PNMA6E: variants seen among roughly 807,000 people sequenced by gnomAD.
PNMA6E encodes paraneoplastic antigen Ma6E.
For synonymous variants in PNMA6E, 43 were observed against 17.1 expected, an observed-to-expected ratio of 2.52 and a Z score of -3.74; for missense variants, 78 against 50.8, an observed-to-expected ratio of 1.53 and a Z score of -1.63.
At chrX:153,406,468 A>T in the PNMA6E span, among the ~76,000 whole-genome samples, 1 of 112,798 alleles carries the variant, frequency 8.9e-6, no homozygotes, top group African/African-American at 3.2e-5. Context: ...GCTCCCCATC[A>T]GGTGAGAGAA....
Position 153,397,395 on chromosome X carries a change from G to A in PNMA6E, c.1455C>T (p.Leu485=). The A allele has an allele frequency of 1.0e-5, 3 of 298,268 alleles. No individual in the cohort carries two copies. Among genetic ancestry groups the A allele is most frequent in the Non-Finnish European group, 1.8e-5 (3 of 170,476 alleles). 24.6% of individuals were successfully genotyped at this position (298,268 alleles called of 1,213,427 possible). The part of the protein sequence containing the change: ...EKRPPGFLGL[L]RLIREMEAWA... ...ATGCCTCCATCTCCCGGATGAGCCG[G>A]AGCAGCCCCAGGAAGCCAGGTGGCC... is the stretch of plus-strand genomic sequence containing the variant. Residue 485 remains leucine (L), a synonymous_variant, in exon 2 of 2, where the codon CTC becomes CTT. Coordinates refer to ENST00000445091, the MANE Select transcript of PNMA6E (RefSeq NM_001367770.1).
At position 153,398,830 on chromosome X, in the gene PNMA6E, C is replaced by T. The variant is rs1299464820; in HGVS notation, c.20G>A (p.Arg7Gln). Residue 7 changes from arginine (R) to glutamine (Q), a missense_variant, in exon 2 of 2, where the codon CGG (arginine) becomes CAG (glutamine). By Grantham distance (43) the Arg-to-Gln change is conservative (BLOSUM62 1). Coordinates refer to ENST00000445091, the MANE Select transcript of PNMA6E (RefSeq NM_001367770.1). MALAMLRDWCRWMGANA... is the reference protein window; with the variant it reads MALAMLQDWCRWMGANA... Reference sequence around the variant, plus strand: ...CGCACCCATCCACCTGCACCAGTCCCGAAGCATCGCCAGAGCCATCGCAGA... The same window carrying T: ...CGCACCCATCCACCTGCACCAGTCCTGAAGCATCGCCAGAGCCATCGCAGA... 2.0e-5 allele frequency: 6 copies of T among 298,357 alleles called. No homozygotes were observed. The highest frequency in any genetic ancestry group is 5.5e-5 in the African/African-American group (2 of 36,463). 24.6% of individuals were successfully genotyped at this position (298,357 alleles called of 1,213,427 possible). A position where few individuals can be genotyped will look rare whatever the true frequency, so the allele number is the denominator to read the frequency against.
the PNMA6E span, among the ~76,000 whole-genome samples, chrX:153,407,564 G>A: frequency 9.0e-6 from 1 of 111,022 alleles, no homozygotes; most frequent in Non-Finnish European, 1.9e-5. Context: ...TAGAGATGGG[G>A]TCTCACCGTG....
the PNMA6E span, among the ~76,000 whole-genome samples, chrX:153,408,684 A>G: frequency 1.8e-5 from 2 of 111,853 alleles, no homozygotes; most frequent in South Asian, 7.6e-4. Flanking sequence ...GGGCGGAGGC[A>G]GGAGTTGCAA....
At chrX:153,407,623 C>T in the PNMA6E span, among the ~76,000 whole-genome samples, 1 of 111,346 alleles carries the variant, frequency 9.0e-6, no homozygotes, top group African/African-American at 3.3e-5. Context: ...CCTCCTGCCT[C>T]AGCCTCCCAA....
At chrX:153,413,900 C>G in the PNMA6E span, among the ~76,000 whole-genome samples, 7 of 112,412 alleles carry the variant, frequency 6.2e-5, no homozygotes, top group Non-Finnish European at 9.4e-5. Context: ...TGGCCAGCAC[C>G]TCCGCTGGGT....
chrX:153,400,564 G>A lies in PNMA6E; in HGVS notation c.-72+680C>T, dbSNP rs1303357118. ...CCACAGCCAGGGGCCCGACAATCCC[G>A]CCCTCCACCCCCAAGTCAGGAGCCC... On this transcript the variant is annotated intron_variant, in intron 1 of 1. Coordinates refer to ENST00000445091, the MANE Select transcript of PNMA6E (RefSeq NM_001367770.1). Among the ~76,000 whole-genome samples the A allele has an allele frequency of 4.8e-5, 3 of 62,794 alleles. No homozygotes were observed. In the East Asian group the frequency reaches 1.5e-3, roughly 31 times the overall value. 54.5% of individuals were successfully genotyped at this position (62,794 alleles called of 115,157 possible).
chrX:153,408,361 G>C, the PNMA6E span, among the ~76,000 whole-genome samples: 1 of 112,554 alleles, frequency 8.9e-6, no homozygotes, highest in Non-Finnish European at 1.9e-5. Flanking sequence ...TGAGGCCTGG[G>C]CATTGCTCCC....
chrX:153,396,895 G>A lies in PNMA6E; in HGVS notation c.*11C>T, dbSNP rs782303284. The A allele has an allele frequency of 9.1e-4, 271 of 296,479 alleles. No individual in the cohort carries two copies. Among genetic ancestry groups the A allele is most frequent in the Non-Finnish European group, 1.5e-3 (249 of 170,030 alleles). The allele number at this position is 296,479 out of a possible 1,213,427, so 24.4% of individuals were successfully genotyped here. A position where few individuals can be genotyped will look rare whatever the true frequency, so the allele number is the denominator to read the frequency against. ...GCCTGAGAGGAGAGGAGGCCCCGGG[G>A]CCCTAGGAGCCTATTTGCCCTGGGA... is the stretch of plus-strand genomic sequence containing the variant. On this transcript the variant is annotated 3_prime_UTR_variant, in exon 2 of 2. Transcript: ENST00000445091.
At chrX:153,408,628 C>T in the PNMA6E span, among the ~76,000 whole-genome samples, 1 of 112,317 alleles carries the variant, frequency 8.9e-6, no homozygotes, top group Non-Finnish European at 1.9e-5. Context: ...ACATCCCCTC[C>T]CCCACTCACT....
chrX:153,412,553 A>G, the PNMA6E span, among the ~76,000 whole-genome samples: 1 of 112,493 alleles, frequency 8.9e-6, no homozygotes, highest in South Asian at 3.7e-4. Context: ...GGTGGTTAGA[A>G]TAACTTATTC....
chrX:153,397,791 A>G lies in PNMA6E; in HGVS notation c.1059T>C (p.His353=), dbSNP rs1375643720. 11 of 309,659 alleles carry G rather than the reference A, an allele frequency of 3.6e-5. No individual in the cohort carries two copies. Among genetic ancestry groups the G allele is most frequent in the African/African-American group, 2.4e-4 (9 of 37,008 alleles). The allele number at this position is 309,659 out of a possible 1,213,427, so 25.5% of individuals were successfully genotyped here. The change falls in exon 2 of 2, where the codon CAT becomes CAC. Residue 353 remains histidine (H), a synonymous_variant. Coordinates refer to ENST00000445091, the MANE Select transcript of PNMA6E (RefSeq NM_001367770.1). ...HAKDMLQLWC[H]ASEREKKRWL... ...ACCTCTTCTTCTCCCTTTCCGACGC[A>G]TGGCACCACAGCTGCAGCATATCCT... is the stretch of plus-strand genomic sequence containing the variant.
chrX:153,399,731 C>G (rs180704342), intron 1 of PNMA6E, among the ~76,000 whole-genome samples: 2 of 111,743 alleles, frequency 1.8e-5, no homozygotes, highest in East Asian at 2.8e-4. Flanking sequence ...ACTGATTGTC[C>G]TTTTTATCTC....
chrX:153,400,005 A>G (rs1393862040), intron 1 of PNMA6E, among the ~76,000 whole-genome samples: 1 of 112,457 alleles, frequency 8.9e-6, no homozygotes, highest in Non-Finnish European at 1.9e-5. Flanking sequence ...GACATATGTT[A>G]TTGTTATTAA....
chrX:153,397,934 G>T lies in PNMA6E; in HGVS notation c.916C>A (p.Arg306Ser). Reference sequence around the variant, plus strand: ...TCCAGCACAGGCTGTAGGGTGCAGCGCCAAGGCTGGACCCAGGCTTTTGTT... The same window carrying T: ...TCCAGCACAGGCTGTAGGGTGCAGCTCCAAGGCTGGACCCAGGCTTTTGTT... ...NVTKAWVQPW[R>S]CTLQPVLENR... Residue 306 changes from arginine (R) to serine (S), a missense_variant, in exon 2 of 2, where the codon CGC (arginine) becomes AGC (serine). Physicochemically the swap from Arg to Ser is moderately radical, Grantham distance 110. Transcript: ENST00000445091. The T allele has an allele frequency of 2.4e-6, 1 of 411,671 alleles. No homozygotes were observed. The allele number at this position is 411,671 out of a possible 1,213,427, so 33.9% of individuals were successfully genotyped here.
At chrX:153,408,003 TG>T in the PNMA6E span, among the ~76,000 whole-genome samples, 2,259 of 112,664 alleles carry the variant, frequency 0.02, 26 homozygotes, top group Non-Finnish European at 0.031. Context: ...GGAAAGAGGC[TG>T]GGGCCTGGGT....
the PNMA6E span, among the ~76,000 whole-genome samples, chrX:153,409,139 G>A: frequency 8.8e-6 from 1 of 113,038 alleles, no homozygotes; most frequent in Non-Finnish European, 1.9e-5. Flanking sequence ...CTGCCCCCCG[G>A]CTACCTCACC....
the PNMA6E span, among the ~76,000 whole-genome samples, chrX:153,411,346 G>T: frequency 6.2e-5 from 7 of 112,439 alleles, no homozygotes; most frequent in Middle Eastern, 4.6e-3. Flanking sequence ...CTCGGGGCGC[G>T]TGGGGAGCCA....
upstream of PNMA6E, among the ~76,000 whole-genome samples, chrX:153,401,598 C>T (rs782293065): frequency 1.8e-5 from 2 of 112,064 alleles, no homozygotes; most frequent in South Asian, 7.5e-4. Flanking sequence ...ATTGACCCTC[C>T]GCCAATGGAA....
Sources: allele counts gnomAD v4.1 joint callset (sites outside exome capture counted in the v4.1 genomes callset), GRCh38; gene constraint gnomAD v4.1.1; transcripts MANE v1.5; gene names NCBI Gene and HGNC (gene_info 2026-07-23, HGNC 2026-07-21).